Variants in PLOD2 observed in about 807,000 individuals in gnomAD.
PLOD2 encodes lysine hydroxylase 2.
In PLOD2, 65 loss-of-function variants were observed where a neutral mutation model predicts 101.0. That is an observed-to-expected ratio of 0.64 (90% CI 0.53 to 0.79). The LOEUF (loss-of-function observed/expected upper bound fraction) is 0.79, where lower values mean the gene tolerates loss of function less well. Among genes scored for constraint, PLOD2 ranks in the 30% least tolerant of loss-of-function variants. The probability of loss-of-function intolerance (pLI) is 0.00; values close to 1 mark genes in which losing one functional copy is unlikely to be tolerated. For missense variants in PLOD2, 909 were observed against 914.6 expected, an observed-to-expected ratio of 0.99 and a Z score of 0.08; for synonymous variants, 314 against 302.9, an observed-to-expected ratio of 1.04 and a Z score of -0.38.
Position 146,071,371 on chromosome 3 carries a change from A to C in PLOD2, c.1901T>G (p.Met634Arg), listed in dbSNP as rs768044315. Residue 634 changes from methionine to arginine, a missense_variant, in exon 18 of 20, where the codon ATG becomes AGG. Met to Arg is a moderately conservative substitution (Grantham distance 91, BLOSUM62 -1). Transcript: ENST00000282903. ...TACATTCTCCAGATCAACTTGCTTC[A>C]TGTGGATATCATCAGTTGGGACATT... ...YENVPTDDIHMKQVDLENVWL... is the reference protein window; with the variant it reads ...YENVPTDDIHRKQVDLENVWL... 1 of 1,612,106 alleles carries C rather than the reference A, an allele frequency of 6.2e-7. No homozygotes were observed. The highest frequency in any genetic ancestry group is 1.1e-5 in the South Asian group (1 of 91,062).
intron 1 of PLOD2, among the ~76,000 whole-genome samples, chr3:146,134,211 A>G (rs1172033976): frequency 2.0e-5 from 3 of 152,216 alleles, no homozygotes; most frequent in Non-Finnish European, 4.4e-5. Flanking sequence ...TGCGGATTAC[A>G]TATCAATACA....
In PLOD2 at chr3:146,069,562, A is replaced by G. The variant is rs1936048542; in HGVS notation, c.*1155T>C. 6.6e-6 allele frequency: 1 copy of G among 152,244 alleles called. No homozygotes were observed. Among genetic ancestry groups the G allele is most frequent in the Non-Finnish European group, 1.5e-5 (1 of 67,892 alleles). 9.4% of individuals were successfully genotyped at this position (152,244 alleles called of 1,614,324 possible). On this transcript the variant is annotated 3_prime_UTR_variant, in exon 20 of 20. Transcript: ENST00000282903. ...TTACATTAAAAACAGTAGCTACAAT[A>G]AGGATATTTCAACCTTACTTAGAGA...
rs1937532030 is a variant in PLOD2 at position 146,106,180 on chromosome 3, G to A, written c.615+352C>T. On this transcript the variant is annotated intron_variant, in intron 5 of 19. Coordinates refer to ENST00000282903, the MANE Select transcript of PLOD2 (RefSeq NM_182943.3). ...GTGGAGGTAGGGCCATGACAGTGGT[G>A]TGAGGGCTGCCATTTCATTTTAGTA... 2.6e-5 allele frequency among the ~76,000 whole-genome samples: 4 copies of A among 152,286 alleles called. No individual in the cohort carries two copies. In the South Asian group the frequency reaches 6.2e-4, roughly 24 times the overall value.
intron 1 of PLOD2, among the ~76,000 whole-genome samples, chr3:146,149,058 A>C (rs2031932337): frequency 6.6e-6 from 1 of 152,218 alleles, no homozygotes; most frequent in South Asian, 2.1e-4. Flanking sequence ...ACATAAGCAT[A>C]ATTTCCCTTG....
At position 146,077,632 on chromosome 3, in the gene PLOD2, G is replaced by C. The variant is rs9836725; in HGVS notation, c.1563+230C>G. 322,418 of 417,482 alleles carry C rather than the reference G, an allele frequency of 0.77. 124,980 individuals carry two copies. Among genetic ancestry groups the C allele is most frequent in the African/African-American group, 0.82 (39,536 of 48,240 alleles). The allele number at this position is 417,482 out of a possible 1,614,324, so 25.9% of individuals were successfully genotyped here. ...ATGAAAGGGACTTAGGTTTAACTTT[G>C]TCACCTGTCAGCCATAAAATATAAA... is the stretch of plus-strand genomic sequence containing the variant. On this transcript the variant is annotated intron_variant, in intron 14 of 19. Coordinates refer to ENST00000282903, the MANE Select transcript of PLOD2 (RefSeq NM_182943.3).
chr3:146,118,666 G>A (rs1559858673), intron 3 of PLOD2, among the ~76,000 whole-genome samples: 2 of 152,094 alleles, frequency 1.3e-5, no homozygotes, highest in Admixed American at 6.6e-5. Flanking sequence ...ACAATTTGAT[G>A]TTATTATAAA....
intron 5 of PLOD2, among the ~76,000 whole-genome samples, chr3:146,105,559 A>G (rs1434266611): frequency 6.6e-6 from 1 of 152,214 alleles, no homozygotes; most frequent in East Asian, 1.9e-4. Context: ...TATCACAGGT[A>G]ATTTTCAAAT....
intron 19 of PLOD2, 79 bp downstream of exon 19, chr3:146,070,963 A>C: frequency 6.6e-7 from 1 of 1,513,464 alleles, no homozygotes; most frequent in Admixed American, 1.8e-5. Flanking sequence ...TTAAAAAAGA[A>C]ACTAAGGCCT....
chr3:146,135,388 TACC>T lies in PLOD2; in HGVS notation c.110-11162_110-11160del, dbSNP rs749846197. On this transcript the variant is annotated intron_variant, in intron 1 of 19. Coordinates refer to ENST00000282903, the MANE Select transcript of PLOD2 (RefSeq NM_182943.3). ...CTACAAATATCATCTTCTATGGAAT[TACC>T]ACAAGACTCCAAAAAAGTTTATTAT... 8.9e-4 allele frequency among the ~76,000 whole-genome samples: 136 copies of T among 152,184 alleles called. 1 individual carries two copies. The highest frequency in any genetic ancestry group is 2.8e-4 in the Non-Finnish European group (19 of 68,024).
rs575508714 is a variant in PLOD2 at position 146,088,593 on chromosome 3, T to C, written c.998A>G (p.His333Arg). 2 of 1,570,152 alleles carry C rather than the reference T, an allele frequency of 1.3e-6. No individual in the cohort carries two copies. The highest frequency in any genetic ancestry group is 8.8e-7 in the Non-Finnish European group (1 of 1,141,362). ...YPKEALKLFI[H>R]NKEVYHEKDI... is the part of the protein sequence containing the mutation. ...CATTTCTCAAATACTTACTTTGTTATGAATAAAAAGTTTAAGTGCTTCTTT... is the reference window on the plus strand; with the variant it reads ...CATTTCTCAAATACTTACTTTGTTACGAATAAAAAGTTTAAGTGCTTCTTT... The change falls in exon 9 of 20, where the codon CAT becomes CGT. Residue 333 changes from histidine (H) to arginine (R), a missense_variant. His to Arg is a conservative substitution (Grantham distance 29, BLOSUM62 0). Coordinates refer to ENST00000282903, the MANE Select transcript of PLOD2 (RefSeq NM_182943.3).
intron 5 of PLOD2, among the ~76,000 whole-genome samples, chr3:146,104,583 A>T (rs914194271): frequency 3.3e-5 from 5 of 152,224 alleles, no homozygotes; most frequent in African/African-American, 1.2e-4. Flanking sequence ...GCAACTACAA[A>T]CACACAAGTA....
At chr3:146,089,595 A>T (rs1936905236) in intron 8 of PLOD2, among the ~76,000 whole-genome samples, 1 of 151,442 alleles carries the variant, frequency 6.6e-6, no homozygotes, top group African/African-American at 2.4e-5. Flanking sequence ...CTGAATTAGC[A>T]ACCTTCTTCC....
At chr3:146,128,214 A>G (rs2030691810) in intron 1 of PLOD2, among the ~76,000 whole-genome samples, 1 of 152,162 alleles carries the variant, frequency 6.6e-6, no homozygotes, top group Non-Finnish European at 1.5e-5. Flanking sequence ...TGAGATGACT[A>G]AGGAATGGTG....
chr3:146,115,915 C>CA (rs1297633965), intron 3 of PLOD2, among the ~76,000 whole-genome samples: 4 of 152,102 alleles, frequency 2.6e-5, no homozygotes, highest in Non-Finnish European at 4.4e-5. Context: ...AAACTTTTTA[C>CA]AAAAACAGGC....
At chr3:146,138,470 G>A (rs1576623166) in intron 1 of PLOD2, among the ~76,000 whole-genome samples, 1 of 152,096 alleles carries the variant, frequency 6.6e-6, no homozygotes, top group South Asian at 2.1e-4. Context: ...TCACTGAGAG[G>A]GTGACCTGAA....
In PLOD2 at chr3:146,130,196, C is replaced by T. The variant is rs192545529; in HGVS notation, c.110-5967G>A. Among the ~76,000 whole-genome samples, 4 of 152,180 alleles carry T rather than the reference C, an allele frequency of 2.6e-5. No homozygotes were observed. The East Asian group carries it at 7.7e-4, about 29-fold the overall frequency. On this transcript the variant is annotated intron_variant, in intron 1 of 19. Transcript: ENST00000282903. Reference sequence around the variant, plus strand: ...TCAAAGAGAAGAGCCTTTTCAAGACCATTATCTAATATTCCTCCCTGACAT... The same window carrying T: ...TCAAAGAGAAGAGCCTTTTCAAGACTATTATCTAATATTCCTCCCTGACAT...
chr3:146,076,439 C>A (rs117590675), intron 15 of PLOD2: 151 of 184,274 alleles, frequency 8.2e-4, no homozygotes, highest in Middle Eastern at 4.7e-3. Flanking sequence ...GGTCAAATGA[C>A]TTACTTTCTT....
At chr3:146,147,308 C>T (rs1328264337) in intron 1 of PLOD2, among the ~76,000 whole-genome samples, 2 of 152,020 alleles carry the variant, frequency 1.3e-5, no homozygotes, top group Non-Finnish European at 2.9e-5. Flanking sequence ...GAAATATAAT[C>T]CCCCCTCCTC....
intron 15 of PLOD2, among the ~76,000 whole-genome samples, chr3:146,075,624 T>C (rs2029138): frequency 0.52 from 78,034 of 151,398 alleles, 20,221 homozygotes; most frequent in Middle Eastern, 0.57. Flanking sequence ...ATTCACAAAA[T>C]TGTCAAAAAA....
Sources: allele counts gnomAD v4.1 joint callset (sites outside exome capture counted in the v4.1 genomes callset), GRCh38; gene constraint gnomAD v4.1.1; transcripts MANE v1.5; gene names NCBI Gene and HGNC (gene_info 2026-07-23, HGNC 2026-07-21).